Variants in SPEG observed in about 807,000 individuals in gnomAD.
The protein encoded by SPEG is striated muscle preferentially expressed protein kinase.
In SPEG, 114 loss-of-function variants were observed where a neutral mutation model predicts 300.4. That is an observed-to-expected ratio of 0.38 (90% CI 0.33 to 0.44). The LOEUF (loss-of-function observed/expected upper bound fraction) is 0.44. Ranked by LOEUF, SPEG falls within the 20% of genes least tolerant of loss-of-function variation. The probability of loss-of-function intolerance (pLI) is 1.00; values close to 1 mark genes in which losing one functional copy is unlikely to be tolerated. For missense variants in SPEG, 4,201 were observed against 4,586.2 expected, an observed-to-expected ratio of 0.92 and a Z score of 2.43; for synonymous variants, 1,964 against 2,018.9, an observed-to-expected ratio of 0.97 and a Z score of 0.73.
chr2:219,474,026 C>A, intron 18 of SPEG, 123 bp downstream of exon 18: 1 of 927,080 alleles, frequency 1.1e-6, no homozygotes, highest in Non-Finnish European at 1.6e-6. Context: ...CTGGTCAGGC[C>A]TGTCCATGTC....
intron 9 of SPEG, 41 bp from the exon 10 acceptor site, chr2:219,467,133 C>G: frequency 6.5e-7 from 1 of 1,539,878 alleles, no homozygotes; most frequent in Non-Finnish European, 8.7e-7. Flanking sequence ...CCCTGTGTGT[C>G]TCTGCTCTGT....
Position 219,481,226 on chromosome 2 carries a change from GT to G in SPEG, c.5370-77del, listed in dbSNP as rs1176966360. 3 of 1,479,556 alleles carry G rather than the reference GT, an allele frequency of 2.0e-6. No homozygotes were observed. The highest frequency in any genetic ancestry group is 1.8e-5 in the Admixed American group (1 of 56,726). 91.7% of individuals were successfully genotyped at this position (1,479,556 alleles called of 1,614,324 possible). A position where few individuals can be genotyped will look rare whatever the true frequency, so the allele number is the denominator to read the frequency against. ...CCTCACAACCCCAGAGCCTCCATCT[GT>G]CCCCAGCCCTGTGCCCCCACTGACA... On this transcript the variant is annotated intron_variant, in intron 26 of 40. Transcript: ENST00000312358. This position sits in a 1 kb window ranked among gnomAD's most constrained non-coding sequence, Gnocchi z 5.4.
intron 8 of SPEG, among the ~76,000 whole-genome samples, chr2:219,462,911 C>T (rs1413132991): frequency 2.0e-5 from 3 of 152,098 alleles, no homozygotes; most frequent in Admixed American, 6.5e-5. Flanking sequence ...GAGTGAGACC[C>T]TGTCTCAAAA....
At chr2:219,468,537 C>A (rs1405176301) in intron 10 of SPEG, 41 bp from the exon 11 acceptor site, 5 of 1,597,668 alleles carry the variant, frequency 3.1e-6, no homozygotes, top group African/African-American at 1.3e-5. Context: ...GCCTGGGCCT[C>A]CTTAGCCTTC....
chr2:219,487,468 G>C (rs562185767), intron 31 of SPEG, among the ~76,000 whole-genome samples: 3 of 152,222 alleles, frequency 2.0e-5, no homozygotes, highest in Non-Finnish European at 4.4e-5. Context: ...CTGTGGGCGT[G>C]GGATTATTTT....
chr2:219,453,829 A>G (rs913953419), intron 6 of SPEG, among the ~76,000 whole-genome samples: 22 of 152,094 alleles, frequency 1.4e-4, no homozygotes, highest in African/African-American at 5.1e-4. Flanking sequence ...GAGTGGCTGG[A>G]TGGGGGCCAG....
chr2:219,441,577 G>A (rs1173979006), intron 1 of SPEG: 1 of 470,948 alleles, frequency 2.1e-6, no homozygotes, highest in Admixed American at 2.3e-5. Flanking sequence ...ACCTTCCAGA[G>A]AGGCCCCGCG....
chr2:219,491,704 G>A, intron 38 of SPEG, 90 bp from the exon 39 acceptor site: 1 of 979,594 alleles, frequency 1.0e-6, no homozygotes, highest in Non-Finnish European at 1.6e-6. Flanking sequence ...CCAGGACATT[G>A]TCCTGCTGCT....
At chr2:219,450,674 C>T (rs543095881) in intron 4 of SPEG, 1 of 152,942 alleles carries the variant, frequency 6.5e-6, no homozygotes, top group South Asian at 2.1e-4. Flanking sequence ...CGGCTTCACA[C>T]ATTTGACAAT....
chr2:219,452,808 C>T lies in SPEG; in HGVS notation c.2440+1001C>T, dbSNP rs907055798. On this transcript the variant is annotated intron_variant, in intron 6 of 40. Transcript: ENST00000312358. ...TTCTGTCCCTTCCTTCCATGAAGTG[C>T]TGCAGGAGACAAGATGGCAGAGCCT... Among the ~76,000 whole-genome samples the T allele has an allele frequency of 7.2e-5, 11 of 152,170 alleles. 1 individual carries two copies. The highest frequency in any genetic ancestry group is 1.3e-4 in the Non-Finnish European group (9 of 68,032).
chr2:219,491,309 C>T (rs770009378), intron 38 of SPEG, among the ~76,000 whole-genome samples: 2 of 152,172 alleles, frequency 1.3e-5, no homozygotes, highest in African/African-American at 2.4e-5. Context: ...AAATGCTTGA[C>T]GTTCATGATC....
rs990094033 is a variant in SPEG at position 219,486,981 on chromosome 2, T to C, written c.7742-1213T>C. On this transcript the variant is annotated intron_variant, in intron 31 of 40. Transcript: ENST00000312358. ...GATCACCACACCTGCTGAGTACTCC[T>C]CTTCTGCCTGGCTCATCCCCACTCC... Among the ~76,000 whole-genome samples, 148 of 152,218 alleles carry C rather than the reference T, an allele frequency of 9.7e-4. 1 individual carries two copies. Among genetic ancestry groups the C allele is most frequent in the African/African-American group, 3.4e-3 (143 of 41,502 alleles).
rs765709007 is a variant in SPEG at position 219,468,606 on chromosome 2, C to T, written c.3171C>T (p.Thr1057=). The part of the protein sequence containing the change: ...KDELTCSARL[T]VRPSLAPLFT... Reference sequence around the variant, plus strand: ...AGCTGACCTGCAGTGCCCGGCTGACCGTGCGGCCCTCGTTGGCACCCCTGT... The same window carrying T: ...AGCTGACCTGCAGTGCCCGGCTGACTGTGCGGCCCTCGTTGGCACCCCTGT... The change falls in exon 11 of 41, where the codon ACC becomes ACT. Residue 1057 remains threonine (T), a synonymous_variant. Transcript: ENST00000312358. The T allele has an allele frequency of 8.7e-6, 14 of 1,613,444 alleles. No homozygotes were observed. In the African/African-American group the frequency reaches 1.3e-4, roughly 15 times the overall value.
chr2:219,477,890 C>T lies in SPEG; in HGVS notation c.4827-15C>T. 1 of 1,612,914 alleles carries T rather than the reference C, an allele frequency of 6.2e-7. No individual in the cohort carries two copies. Among genetic ancestry groups the T allele is most frequent in the Non-Finnish European group, 8.5e-7 (1 of 1,179,092 alleles). ...AGTGATGGCTGATCTCTGACCCCCT[C>T]CCTGTGTCAACCAGGGGTGCTTTCT... On this transcript the variant is annotated splice_polypyrimidine_tract_variant and intron_variant, in intron 21 of 40. Coordinates refer to ENST00000312358, the MANE Select transcript of SPEG (RefSeq NM_005876.5). This position sits in a 1 kb window ranked among gnomAD's most constrained non-coding sequence, Gnocchi z 6.4.
chr2:219,460,632 G>C (rs952002570), intron 6 of SPEG: 49 of 985,524 alleles, frequency 5.0e-5, no homozygotes, highest in Admixed American at 1.2e-4. Flanking sequence ...AGTGAGCAGA[G>C]TGGCTAAATC....
chr2:219,452,692 G>A (rs557590739), intron 6 of SPEG, among the ~76,000 whole-genome samples: 2 of 152,122 alleles, frequency 1.3e-5, no homozygotes, highest in African/African-American at 4.8e-5. Context: ...GGATGCCTGC[G>A]CTGAGAGACG....
chr2:219,462,239 C>T (rs1690781002), intron 7 of SPEG, 59 bp from the exon 8 acceptor site: 2 of 1,413,418 alleles, frequency 1.4e-6, no homozygotes, highest in Non-Finnish European at 9.7e-7. Context: ...GATTCCACAG[C>T]CCCCAGGACC....
chr2:219,484,128 C>G lies in SPEG; in HGVS notation c.6665C>G (p.Pro2222Arg). The G allele has an allele frequency of 6.8e-6, 11 of 1,613,498 alleles. No individual in the cohort carries two copies. Among genetic ancestry groups the G allele is most frequent in the Non-Finnish European group, 9.3e-6 (11 of 1,179,968 alleles). ...QDKAPEPRPE[P>R]VRASKPAPPP... ...AAGGCTCCAGAGCCCAGGCCAGAACCAGTCCGAGCCTCCAAGCCTGCACCA... is the reference window on the plus strand; with the variant it reads ...AAGGCTCCAGAGCCCAGGCCAGAACGAGTCCGAGCCTCCAAGCCTGCACCA... The change falls in exon 30 of 41, where the codon CCA becomes CGA. Residue 2222 changes from proline (P) to arginine (R), a missense_variant. Coordinates refer to ENST00000312358, the MANE Select transcript of SPEG (RefSeq NM_005876.5).
chr2:219,437,557 A>C (rs1476649401), intron 1 of SPEG, among the ~76,000 whole-genome samples: 3 of 152,134 alleles, frequency 2.0e-5, no homozygotes, highest in Non-Finnish European at 4.4e-5. Flanking sequence ...TCATATGAGA[A>C]TAGGAAGAGG....
Sources: allele counts gnomAD v4.1 joint callset (sites outside exome capture counted in the v4.1 genomes callset), GRCh38; gene constraint gnomAD v4.1.1; non-coding constraint Gnocchi (gnomAD v3.1); transcripts MANE v1.5; gene names NCBI Gene and HGNC (gene_info 2026-07-23, HGNC 2026-07-21).